The following PER1 variants were observed in gnomAD, a reference collection of about 807,000 sequenced individuals.
PER1 encodes the protein period circadian protein homolog 1.
A neutral mutation model predicts 125.9 loss-of-function variants in PER1; 87 were observed. That is an observed-to-expected ratio of 0.69 (90% CI 0.58 to 0.83). The LOEUF (loss-of-function observed/expected upper bound fraction) is 0.83, where lower values mean the gene tolerates loss of function less well. Among genes scored for constraint, PER1 ranks in the 40% least tolerant of loss-of-function variants. The pLI is 0.00. For missense variants in PER1, 1,775 were observed against 1,722.8 expected (o/e 1.03, Z -0.54); for synonymous variants, 801 against 714.7 (o/e 1.12, Z -1.93).
chr17:8,143,291 TC>T lies in PER1; in HGVS notation c.3046del (p.Glu1016ArgfsTer106). On this transcript the variant is annotated frameshift_variant, in exon 19 of 23. Coordinates refer to ENST00000317276, the MANE Select transcript of PER1 (RefSeq NM_002616.3). LOFTEE classifies it high-confidence loss of function. ...SSAGPPPPSA[E>X]AAEPEARLAE... ...CAGTCTGGCCTCTGGCTCAGCAGCC[TC>T]CGCACTGGGAGGTGGGGGCCCGGCA... 6.4e-7 allele frequency: 1 copy of T among 1,571,430 alleles called. No homozygotes were observed. Among genetic ancestry groups the T allele is most frequent in the Non-Finnish European group, 8.6e-7 (1 of 1,158,164 alleles).
intron 1 of PER1, among the ~76,000 whole-genome samples, chr17:8,151,048 C>G (rs1982832099): frequency 6.6e-6 from 1 of 152,144 alleles, no homozygotes; most frequent in Admixed American, 6.5e-5. Flanking sequence ...TCTCCGGGGC[C>G]TTCCTTCACA....
At position 8,141,296 on chromosome 17, in the gene PER1, A is replaced by G; in HGVS notation, c.3645T>C (p.Pro1215=). The G allele has an allele frequency of 6.2e-7, 1 of 1,613,690 alleles. No individual in the cohort carries two copies. The highest frequency in any genetic ancestry group is 8.5e-7 in the Non-Finnish European group (1 of 1,179,810). Residue 1215 remains proline (P), a synonymous_variant, in exon 23 of 23, where the codon CCT becomes CCC. Transcript: ENST00000317276. ...CCAGCTCTGAGAAGAGTGGGTCATCAGGGTGACCAGGATCTTGGGTGCTGC... is the reference window on the plus strand; with the variant it reads ...CCAGCTCTGAGAAGAGTGGGTCATCGGGGTGACCAGGATCTTGGGTGCTGC... The part of the protein sequence containing the change: ...CGSSTQDPGH[P]DDPLFSELDG...
In PER1 at chr17:8,149,502, A is replaced by T; in HGVS notation, c.813T>A (p.Ala271=). Residue 271 remains alanine (A), a synonymous_variant, in exon 6 of 23, where the codon GCT becomes GCA. Coordinates refer to ENST00000317276, the MANE Select transcript of PER1 (RefSeq NM_002616.3). ...TGCCCCAGGTGGGCAGGCGAGATGGAGCAGTGGAACCATAGAAGACTCCCA... is the reference window on the plus strand; with the variant it reads ...TGCCCCAGGTGGGCAGGCGAGATGGTGCAGTGGAACCATAGAAGACTCCCA... ...QDVGVFYGST[A]PSRLPTWGTG... is the part of the protein sequence containing the mutation. The T allele has an allele frequency of 1.2e-6, 2 of 1,613,782 alleles. No individual in the cohort carries two copies. Among genetic ancestry groups the T allele is most frequent in the Non-Finnish European group, 1.7e-6 (2 of 1,179,950 alleles).
In PER1 at chr17:8,146,395, G is replaced by A. The variant is rs1183901345; in HGVS notation, c.2015C>T (p.Pro672Leu). The A allele has an allele frequency of 1.2e-6, 2 of 1,611,466 alleles. No individual in the cohort carries two copies. The highest frequency in any genetic ancestry group is 1.7e-6 in the Non-Finnish European group (2 of 1,178,698). The change falls in exon 16 of 23, where the codon CCA becomes CTA. Residue 672 changes from proline (P) to leucine (L), a missense_variant. Physicochemically the swap from Pro to Leu is moderately conservative, Grantham distance 98. Transcript: ENST00000317276. Reference sequence around the variant, plus strand: ...ACCTTTCTTGGTCCCCACAGAGACTGGACCTGTCCTCTGCCTGTCGTCGTC... The same window carrying A: ...ACCTTTCTTGGTCCCCACAGAGACTAGACCTGTCCTCTGCCTGTCGTCGTC... ...ASDDDRQRTG[P>L]VSVGTKKDPP...
rs752681115 is a variant in PER1 at position 8,145,986 on chromosome 17, A to G, written c.2190T>C (p.His730=). The change falls in exon 17 of 23, where the codon CAT becomes CAC. Residue 730 remains histidine, a synonymous_variant. Coordinates refer to ENST00000317276, the MANE Select transcript of PER1 (RefSeq NM_002616.3). ...SQCSFSSTIV[H]VGDKKPPESD... ...ACTCCGGGGGCTTCTTGTCTCCCACATGGACGATGGTGGAGCTGAAGCTAC... is the reference window on the plus strand; with the variant it reads ...ACTCCGGGGGCTTCTTGTCTCCCACGTGGACGATGGTGGAGCTGAAGCTAC... 14 of 1,611,598 alleles carry G rather than the reference A, an allele frequency of 8.7e-6. No individual in the cohort carries two copies. The highest frequency in any genetic ancestry group is 2.2e-5 in the East Asian group (1 of 44,788).
At chr17:8,151,336 G>T (rs1982850721) in intron 1 of PER1, among the ~76,000 whole-genome samples, 2 of 152,224 alleles carry the variant, frequency 1.3e-5, no homozygotes, top group Non-Finnish European at 2.9e-5. Flanking sequence ...GTCAGCTGCT[G>T]AGCTCAGCGG....
At chr17:8,142,164 ATAGAAACGTT>A (rs1982120006) in intron 21 of PER1, 95 bp downstream of exon 21, 1 of 1,125,874 alleles carries the variant, frequency 8.9e-7, no homozygotes, top group African/African-American at 1.6e-5. Flanking sequence ...AGGAAGAAAG[ATAGAAACGTT>A]TATCCTATCC....
In PER1 at chr17:8,140,869, C is replaced by T. The variant is rs1303239997; in HGVS notation, c.*199G>A. Reference sequence around the variant, plus strand: ...GGTGACACTCCTCTGGGCTGGGCTGCGGAGTTCTGCTCTCTGCTCCCTAAG... The same window carrying T: ...GGTGACACTCCTCTGGGCTGGGCTGTGGAGTTCTGCTCTCTGCTCCCTAAG... On this transcript the variant is annotated 3_prime_UTR_variant, in exon 23 of 23. Coordinates refer to ENST00000317276, the MANE Select transcript of PER1 (RefSeq NM_002616.3). 2.7e-5 allele frequency: 16 copies of T among 593,418 alleles called. No individual in the cohort carries two copies. The highest frequency in any genetic ancestry group is 1.8e-4 in the Admixed American group (6 of 33,646). The allele number at this position is 593,418 out of a possible 1,614,324, so 36.8% of individuals were successfully genotyped here.
chr17:8,143,816 C>T lies in PER1; in HGVS notation c.2522G>A (p.Arg841His), dbSNP rs146141908. 3.7e-4 allele frequency: 604 copies of T among 1,612,052 alleles called. 1 individual carries two copies. The highest frequency in any genetic ancestry group is 4.7e-4 in the Non-Finnish European group (556 of 1,179,100). The change falls in exon 19 of 23, where the codon CGC becomes CAC. Residue 841 changes from arginine to histidine, a missense_variant. By Grantham distance (29) the Arg-to-His change is conservative (BLOSUM62 0). Transcript: ENST00000317276. ...CCGAGGGTTCTGGTGGTGGCGTGAG[C>T]GCTTGGCTTTGGATCGGCAGTGGTG... is the stretch of plus-strand genomic sequence containing the variant. Reference protein sequence around the residue: ...RRHHCRSKAKRSRHHQNPRAE... With the variant: ...RRHHCRSKAKHSRHHQNPRAE...
In PER1 at chr17:8,141,262, C is replaced by A; in HGVS notation, c.3679G>T (p.Gly1227Trp). ...CCACCCTCTTCCATGGGCTCCAGCC[C>A]CAGTCCATCCAGCTCTGAGAAGAGT... ...DPLFSELDGL[G>W]LEPMEEGGGE... is the part of the protein sequence containing the mutation. The change falls in exon 23 of 23, where the codon GGG (glycine) becomes TGG (tryptophan). Residue 1227 changes from glycine to tryptophan, a missense_variant. Physicochemically the swap from Gly to Trp is radical, Grantham distance 184. Transcript: ENST00000317276. 1 of 1,614,198 alleles carries A rather than the reference C, an allele frequency of 6.2e-7. No individual in the cohort carries two copies. The highest frequency in any genetic ancestry group is 8.5e-7 in the Non-Finnish European group (1 of 1,180,032).
chr17:8,144,175 C>T (rs976878126), intron 18 of PER1: 40 of 470,618 alleles, frequency 8.5e-5, no homozygotes, highest in Non-Finnish European at 1.4e-4. Context: ...CAGGGTGAGT[C>T]CATGGACACA....
Position 8,146,748 on chromosome 17 carries a change from C to A in PER1, c.1753G>T (p.Ala585Ser). The change falls in exon 15 of 23, where the codon GCC becomes TCC. Residue 585 changes from alanine to serine, a missense_variant. By Grantham distance (99) the Ala-to-Ser change is moderately conservative. Transcript: ENST00000317276. ...GGGGATTGGCAGGGAAGGGCCTTGG[C>A]CTTGAACGTGCCTGTAGCTGGGGCA... ...PRLPATGTFK[A>S]KALPCQSPDP... 6.2e-7 allele frequency: 1 copy of A among 1,612,916 alleles called. No homozygotes were observed. Among genetic ancestry groups the A allele is most frequent in the Non-Finnish European group, 8.5e-7 (1 of 1,179,582 alleles).
At position 8,150,571 on chromosome 17, in the gene PER1, C is replaced by A; in HGVS notation, c.136G>T (p.Asp46Tyr). ...CCACTTGAACCATTGCTGTTGGCAT[C>A]GGTGTCATCGGCCAGGCTGGGGCCT... Reference protein sequence around the residue: ...CPGPSLADDTDANSNGSSGNE... With the variant: ...CPGPSLADDTYANSNGSSGNE... Residue 46 changes from aspartate to tyrosine, a missense_variant, in exon 2 of 23, where the codon GAT (aspartate) becomes TAT (tyrosine). Transcript: ENST00000317276. 6.2e-7 allele frequency: 1 copy of A among 1,614,084 alleles called. No homozygotes were observed. The highest frequency in any genetic ancestry group is 1.1e-5 in the South Asian group (1 of 91,088).
chr17:8,151,817 C>T (rs1982877788), intron 1 of PER1, among the ~76,000 whole-genome samples: 1 of 152,096 alleles, frequency 6.6e-6, no homozygotes, highest in African/African-American at 2.4e-5. Flanking sequence ...ATCTTTCTTC[C>T]CCTACTCCCC....
chr17:8,142,611 T>C (rs764466828), intron 20 of PER1, 38 bp downstream of exon 20: 1 of 1,602,932 alleles, frequency 6.2e-7, no homozygotes, highest in South Asian at 1.1e-5. Context: ...CCCCAATCAC[T>C]GCCCTACCCT....
In PER1 at chr17:8,149,281, TCTC is replaced by T; in HGVS notation, c.880_882del (p.Glu294del). 1 of 1,613,642 alleles carries T rather than the reference TCTC, an allele frequency of 6.2e-7. No individual in the cohort carries two copies. The highest frequency in any genetic ancestry group is 8.5e-7 in the Non-Finnish European group (1 of 1,179,912). ...TACCTGATACGGCAGAAGACGGACT[TCTC>T]CTGGGTAAAGTCCCTGAGGCCTGAA... On this transcript the variant is annotated inframe_deletion, in exon 7 of 23. Coordinates refer to ENST00000317276, the MANE Select transcript of PER1 (RefSeq NM_002616.3).
Position 8,140,909 on chromosome 17 carries a change from C to A in PER1, c.*159G>T. 1 of 797,460 alleles carries A rather than the reference C, an allele frequency of 1.3e-6. No homozygotes were observed. Among genetic ancestry groups the A allele is most frequent in the Non-Finnish European group, 2.0e-6 (1 of 500,290 alleles). 49.4% of individuals were successfully genotyped at this position (797,460 alleles called of 1,614,324 possible). A position where few individuals can be genotyped will look rare whatever the true frequency, so the allele number is the denominator to read the frequency against. ...TGCTCCCTAAGAGGCCAGAGGCAGC[C>A]CCTGGATCCTAGGCTGGTGATGGGG... is the stretch of plus-strand genomic sequence containing the variant. On this transcript the variant is annotated 3_prime_UTR_variant, in exon 23 of 23. Transcript: ENST00000317276.
rs771510158 is a variant in PER1 at position 8,143,526 on chromosome 17, C to T, written c.2812G>A (p.Ala938Thr). 4 of 1,528,832 alleles carry T rather than the reference C, an allele frequency of 2.6e-6. No individual in the cohort carries two copies. The highest frequency in any genetic ancestry group is 3.5e-6 in the Non-Finnish European group (4 of 1,134,516). 94.7% of individuals were successfully genotyped at this position (1,528,832 alleles called of 1,614,324 possible). ...FPTPSSYPYG[A>T]LQTPAEGPPT... is the part of the protein sequence containing the mutation. ...GGCCCTTCAGCAGGGGTCTGGAGTG[C>T]CCCATAAGGATAGCTGGATGGGGTT... Residue 938 changes from alanine (A) to threonine (T), a missense_variant, in exon 19 of 23, where the codon GCA (alanine) becomes ACA (threonine). Physicochemically the swap from Ala to Thr is moderately conservative, Grantham distance 58. Transcript: ENST00000317276.
At chr17:8,147,220 T>G in intron 13 of PER1, 30 bp downstream of exon 13, 1 of 1,584,952 alleles carries the variant, frequency 6.3e-7, no homozygotes, top group Admixed American at 1.8e-5. Flanking sequence ...AAAGGGCGAT[T>G]AGAGGGTGAG....
Sources: gnomAD v4.1 joint callset for allele counts (sites outside exome capture counted in the v4.1 genomes callset) on GRCh38, gnomAD v4.1.1 for gene constraint, MANE v1.5 for transcripts, NCBI Gene and HGNC (gene_info 2026-07-23, HGNC 2026-07-21) for gene names.